Variants in C4orf50 observed in about 807,000 individuals in gnomAD.
C4orf50 encodes the protein uncharacterized protein C4orf50.
Under a neutral mutation model 77.2 loss-of-function variants are expected in C4orf50, and 80 were observed. The observed-to-expected ratio is 1.04, with a 90% confidence interval of 0.87 to 1.25. C4orf50 has a LOEUF of 1.25. Among genes scored for constraint, C4orf50 ranks in the 50% most tolerant of loss-of-function variants. The probability of loss-of-function intolerance (pLI) is 0.00; values close to 1 mark genes in which losing one functional copy is unlikely to be tolerated. For missense variants in C4orf50, 1,257 were observed against 1,152.9 expected, an observed-to-expected ratio of 1.09 and a Z score of -1.31; for synonymous variants, 532 against 465.3, an observed-to-expected ratio of 1.14 and a Z score of -1.84.
chr4:5,989,903 G>T, exon 28 of C4orf50: 1 of 1,432,304 alleles, frequency 7.0e-7, no homozygotes, highest in Non-Finnish European at 9.1e-7. Context: ...CCTTGCAGAA[G>T]CAGAGCATTT....
In C4orf50 at chr4:6,017,903, C is replaced by A. The variant is rs73071544; in HGVS notation, c.287+242G>T. ...TGCCTCCCTCCGTTTCAGGGCCTCC[C>A]ATTGGCTGCACCTAAATGGAAGCCT... is the stretch of plus-strand genomic sequence containing the variant. On this transcript the variant is annotated intron_variant, in intron 23 of 33. Coordinates refer to ENST00000531445, the Ensembl canonical transcript of C4orf50. The surrounding 1 kb of genome is among the most constrained non-coding windows in gnomAD (Gnocchi z 4.7). Among the ~76,000 whole-genome samples, 14 of 152,282 alleles carry A rather than the reference C, an allele frequency of 9.2e-5. No homozygotes were observed. Among genetic ancestry groups the A allele is most frequent in the Non-Finnish European group, 1.9e-4 (13 of 68,032 alleles).
chr4:5,997,176 A>G (rs4582100), intron 25 of C4orf50, among the ~76,000 whole-genome samples: 56,582 of 151,966 alleles, frequency 0.37, 11,944 homozygotes, highest in African/African-American at 0.59. Context: ...CAGCGTGGAG[A>G]CCACTCCGTA....
intron 7 of C4orf50, among the ~76,000 whole-genome samples, chr4:5,945,431 A>G (rs1718439645): frequency 6.6e-6 from 1 of 152,196 alleles, no homozygotes; most frequent in Non-Finnish European, 1.5e-5. Context: ...GCCCGGCCAG[A>G]GTGCCAGCAC....
chr4:5,977,822 CAGTG>C (rs1720371010), intron 29 of C4orf50, among the ~76,000 whole-genome samples: 1 of 152,110 alleles, frequency 6.6e-6, no homozygotes, highest in Admixed American at 6.5e-5. Context: ...AAATATGCCA[CAGTG>C]AGATAAGTAT....
At chr4:5,986,208 G>T (rs1447169135) in intron 28 of C4orf50, among the ~76,000 whole-genome samples, 1 of 152,106 alleles carries the variant, frequency 6.6e-6, no homozygotes, top group Non-Finnish European at 1.5e-5. Context: ...CTTTACAAGG[G>T]TATGTGGGAT....
At chr4:5,987,481 CAAT>C (rs961593717) in intron 28 of C4orf50, among the ~76,000 whole-genome samples, 2 of 124,520 alleles carry the variant, frequency 1.6e-5, no homozygotes, top group Non-Finnish European at 3.5e-5. Flanking sequence ...CAAATACAAA[CAAT>C]AAATAAAATC....
At chr4:5,977,419 T>C (rs1225524150) in intron 29 of C4orf50, among the ~76,000 whole-genome samples, 1 of 152,228 alleles carries the variant, frequency 6.6e-6, no homozygotes, top group Non-Finnish European at 1.5e-5. Flanking sequence ...GCAAAAGGTC[T>C]TGCATCTTGC....
At position 6,017,985 on chromosome 4, in the gene C4orf50, C is replaced by T. The variant is rs1385870135; in HGVS notation, c.287+160G>A. ...CAGGTACAGAGCAGAAGAAGGAGGG[C>T]GGGAGGAGCAGAAGGCAAGTGACTG... On this transcript the variant is annotated intron_variant, in intron 23 of 33. Coordinates refer to ENST00000531445, the Ensembl canonical transcript of C4orf50. This position sits in a 1 kb window ranked among gnomAD's most constrained non-coding sequence, Gnocchi z 4.7. Among the ~76,000 whole-genome samples, 4 of 152,108 alleles carry T rather than the reference C, an allele frequency of 2.6e-5. No homozygotes were observed. The highest frequency in any genetic ancestry group is 5.9e-5 in the Non-Finnish European group (4 of 68,018).
At chr4:5,998,709 A>T (rs1212447655) in intron 25 of C4orf50, among the ~76,000 whole-genome samples, 1 of 152,240 alleles carries the variant, frequency 6.6e-6, no homozygotes, top group South Asian at 2.1e-4. Context: ...CCTCTGCCGT[A>T]GCATCACTGT....
At chr4:5,918,951 G>A (rs1180396166) in intron 7 of C4orf50, among the ~76,000 whole-genome samples, 1 of 152,096 alleles carries the variant, frequency 6.6e-6, no homozygotes, top group Admixed American at 6.5e-5. Context: ...GTGCAACCAG[G>A]GCTGAGAATC....
chr4:5,953,434 T>C (rs905999699), downstream of C4orf50, among the ~76,000 whole-genome samples: 1 of 152,176 alleles, frequency 6.6e-6, no homozygotes, highest in Non-Finnish European at 1.5e-5. Flanking sequence ...CCTTGTCCAG[T>C]ACTAACCTGG....
At chr4:5,950,335 G>A (rs1718662701) in intron 7 of C4orf50, among the ~76,000 whole-genome samples, 1 of 152,164 alleles carries the variant, frequency 6.6e-6, no homozygotes, top group South Asian at 2.1e-4. Flanking sequence ...TTTAAAAGAT[G>A]AATTAAATGA....
intron 33 of C4orf50, among the ~76,000 whole-genome samples, chr4:5,964,599 C>T (rs917413914): frequency 6.6e-6 from 1 of 151,968 alleles, no homozygotes; most frequent in East Asian, 1.9e-4. Context: ...GAAACCCCAT[C>T]TCTACTAAAA....
exon 28 of C4orf50, chr4:5,989,378 C>T (rs1721113677): frequency 2.0e-6 from 3 of 1,536,044 alleles, no homozygotes; most frequent in Non-Finnish European, 2.6e-6. Context: ...CCAGGAACTT[C>T]GCTGGTGCCC....
intron 28 of C4orf50, among the ~76,000 whole-genome samples, chr4:5,987,787 T>A (rs1187031244): frequency 6.6e-6 from 1 of 152,164 alleles, no homozygotes; most frequent in Non-Finnish European, 1.5e-5. Flanking sequence ...AGGAACATTA[T>A]GAGTGTTTTA....
Position 6,010,708 on chromosome 4 carries a change from C to T in C4orf50, c.426+1122G>A, listed in dbSNP as rs564698246. Among the ~76,000 whole-genome samples, 12 of 152,326 alleles carry T rather than the reference C, an allele frequency of 7.9e-5. No homozygotes were observed. In the East Asian group the frequency reaches 1.9e-3, roughly 24 times the overall value. Reference sequence around the variant, plus strand: ...ATAGCAGCAGACTAGAACAGGATGCCTCCAGGGACAGTTGGGTGGTGCATG... The same window carrying T: ...ATAGCAGCAGACTAGAACAGGATGCTTCCAGGGACAGTTGGGTGGTGCATG... On this transcript the variant is annotated intron_variant, in intron 24 of 33. Coordinates refer to ENST00000531445, the Ensembl canonical transcript of C4orf50.
intron 25 of C4orf50, among the ~76,000 whole-genome samples, chr4:6,005,233 G>A (rs938308961): frequency 6.6e-6 from 1 of 152,196 alleles, no homozygotes; most frequent in African/African-American, 2.4e-5. Flanking sequence ...CTCTGCTGAT[G>A]AGAGACCGAG....
At chr4:5,997,764 G>A (rs1202483547) in intron 25 of C4orf50, among the ~76,000 whole-genome samples, 2 of 152,190 alleles carry the variant, frequency 1.3e-5, no homozygotes, top group Non-Finnish European at 2.9e-5. Flanking sequence ...CATAGACATT[G>A]CGAAAGTTCT....
At chr4:5,921,613 G>C (rs115677309) in intron 7 of C4orf50, among the ~76,000 whole-genome samples, 11,199 of 152,188 alleles carry the variant, frequency 0.074, 479 homozygotes, top group Non-Finnish European at 0.1. Context: ...GAGATGCTGA[G>C]TGTGTTTCGG....
Sources: gnomAD v4.1 joint callset for allele counts (sites outside exome capture counted in the v4.1 genomes callset) on GRCh38, gnomAD v4.1.1 for gene constraint, Gnocchi (gnomAD v3.1) non-coding constraint, MANE v1.5 for transcripts, NCBI Gene and HGNC (gene_info 2026-07-23, HGNC 2026-07-21) for gene names.